Variants in ATP6V0E1 observed in about 807,000 individuals in gnomAD.
ATP6V0E1 encodes the protein V-type proton ATPase subunit e 1.
In ATP6V0E1, 4 loss-of-function variants were observed where a neutral mutation model predicts 11.6. That is an observed-to-expected ratio of 0.35 (90% CI 0.17 to 0.79). The LOEUF (loss-of-function observed/expected upper bound fraction) is 0.79, where lower values mean the gene tolerates loss of function less well. ATP6V0E1 is among the 30% of genes least tolerant of loss of function. The pLI is 0.54. For missense variants in ATP6V0E1, 105 were observed against 100.0 expected (o/e 1.05, Z -0.21); for synonymous variants, 36 against 34.8 (o/e 1.04, Z -0.13).
chr5:172,999,943 A>G (rs553860924), intron 2 of ATP6V0E1, among the ~76,000 whole-genome samples: 12 of 152,258 alleles, frequency 7.9e-5, no homozygotes, highest in African/African-American at 2.9e-4. Flanking sequence ...CGGAATTCAA[A>G]CCCCAAATAT....
chr5:173,027,040 G>A lies in ATP6V0E1; in HGVS notation c.*36+6673G>A, dbSNP rs183646618. ...AAAAATACAAAAAAATTAGCTGGGCGTGGTGGCAGACGCCTGTAGTCCCAG... is the reference window on the plus strand; with the variant it reads ...AAAAATACAAAAAAATTAGCTGGGCATGGTGGCAGACGCCTGTAGTCCCAG... On this transcript the variant is annotated intron_variant, in intron 3 of 3. Coordinates refer to ENST00000519374, the MANE Select transcript of ATP6V0E1 (RefSeq NM_003945.4). Among the ~76,000 whole-genome samples the A allele has an allele frequency of 5.8e-3, 878 of 150,958 alleles. 12 individuals carry two copies. The highest frequency in any genetic ancestry group is 0.02 in the African/African-American group (809 of 41,118).
At chr5:173,033,694 A>G (rs1466789241) in intron 3 of ATP6V0E1, among the ~76,000 whole-genome samples, 2 of 152,016 alleles carry the variant, frequency 1.3e-5, no homozygotes, top group Non-Finnish European at 2.9e-5. Flanking sequence ...AAATATAAAA[A>G]TTAGCCGAAT....
At chr5:172,999,398 A>G (rs1374612577) in intron 2 of ATP6V0E1, among the ~76,000 whole-genome samples, 1 of 151,094 alleles carries the variant, frequency 6.6e-6, no homozygotes, top group African/African-American at 2.4e-5. Context: ...ACCATAGTTC[A>G]CTGCAGCCTC....
At chr5:173,009,489 T>G (rs1251179634) in intron 2 of ATP6V0E1, among the ~76,000 whole-genome samples, 1 of 131,056 alleles carries the variant, frequency 7.6e-6, no homozygotes, top group Non-Finnish European at 1.6e-5. Flanking sequence ...TGAGACAGAG[T>G]CTCGTTCTAT....
At chr5:172,985,833 G>C (rs1304735922) in intron 1 of ATP6V0E1, among the ~76,000 whole-genome samples, 2 of 152,210 alleles carry the variant, frequency 1.3e-5, no homozygotes, top group Non-Finnish European at 2.9e-5. Context: ...AAAGGACTAT[G>C]TTTGAGAAAT....
intron 2 of ATP6V0E1, among the ~76,000 whole-genome samples, chr5:173,019,559 A>G (rs903680126): frequency 6.6e-6 from 1 of 152,154 alleles, no homozygotes; most frequent in African/African-American, 2.4e-5. Context: ...ATCTCAAAAA[A>G]AAAAAAACCC....
intron 1 of ATP6V0E1, among the ~76,000 whole-genome samples, chr5:172,991,147 CAT>C (rs529102155): frequency 2.0e-4 from 31 of 152,184 alleles, no homozygotes; most frequent in Non-Finnish European, 2.6e-4. Flanking sequence ...CAATTTCAAA[CAT>C]GTAGAAAAGT....
At chr5:173,017,840 CAAAAA>C (rs538210275) in intron 2 of ATP6V0E1, among the ~76,000 whole-genome samples, 1 of 66,570 alleles carries the variant, frequency 1.5e-5, no homozygotes, top group South Asian at 4.7e-4. Flanking sequence ...GACTCCTTCT[CAAAAA>C]AAAAAAAAAA....
chr5:172,991,102 C>T (rs778412806), intron 1 of ATP6V0E1, among the ~76,000 whole-genome samples: 45 of 152,092 alleles, frequency 3.0e-4, no homozygotes, highest in Non-Finnish European at 5.1e-4. Context: ...TATAGGCATG[C>T]TACTGCATCC....
intron 1 of ATP6V0E1, among the ~76,000 whole-genome samples, chr5:172,992,408 G>A (rs1338407056): frequency 6.6e-6 from 1 of 152,090 alleles, no homozygotes; most frequent in African/African-American, 2.4e-5. Context: ...CCTTTCAGAG[G>A]CCACATGGTA....
At chr5:173,013,340 C>T (rs992486392) in intron 2 of ATP6V0E1, among the ~76,000 whole-genome samples, 2 of 152,170 alleles carry the variant, frequency 1.3e-5, no homozygotes, top group Non-Finnish European at 2.9e-5. Context: ...CTTTGGGAGG[C>T]CGAGGCGGGT....
chr5:173,034,485 CCT>C lies in ATP6V0E1; in HGVS notation c.*124_*125del, dbSNP rs1464417161. The C allele has an allele frequency of 2.6e-5, 18 of 701,862 alleles. No homozygotes were observed. Among genetic ancestry groups the C allele is most frequent in the Non-Finnish European group, 3.9e-5 (15 of 384,176 alleles). The allele number at this position is 701,862 out of a possible 1,614,324, so 43.5% of individuals were successfully genotyped here. On this transcript the variant is annotated 3_prime_UTR_variant, in exon 4 of 4. Transcript: ENST00000519374. ...ACTTGCCTGTTTTGGCCATTAGCTG[CCT>C]TAAACGTTAACAGCACATTTGAATG...
chr5:173,027,253 C>T (rs1170048345), intron 3 of ATP6V0E1, among the ~76,000 whole-genome samples: 4 of 133,614 alleles, frequency 3.0e-5, no homozygotes, highest in African/African-American at 8.5e-5. Flanking sequence ...TTTGGGAGGC[C>T]GAGGCGGGTG....
intron 3 of ATP6V0E1, among the ~76,000 whole-genome samples, chr5:173,025,974 A>G (rs79436262): frequency 0.014 from 2,069 of 152,106 alleles, 48 homozygotes; most frequent in African/African-American, 0.047. Context: ...CCTCGGCAAT[A>G]TATCAAGACC....
intron 2 of ATP6V0E1, among the ~76,000 whole-genome samples, chr5:173,005,315 T>C (rs1756213460): frequency 6.6e-6 from 1 of 152,202 alleles, no homozygotes; most frequent in Non-Finnish European, 1.5e-5. Flanking sequence ...GGTTTTCTTT[T>C]GTTTCTTTCA....
At chr5:172,987,526 C>T (rs552279581) in intron 1 of ATP6V0E1, among the ~76,000 whole-genome samples, 137 of 152,128 alleles carry the variant, frequency 9.0e-4, no homozygotes, top group Non-Finnish European at 1.6e-3. Context: ...TCAGGTGATC[C>T]GTCCGCCTCG....
intron 2 of ATP6V0E1, among the ~76,000 whole-genome samples, chr5:173,017,505 G>A (rs1756419041): frequency 6.8e-6 from 1 of 147,420 alleles, no homozygotes; most frequent in Non-Finnish European, 1.5e-5. Context: ...TCGCACTCCA[G>A]CCTGGGTGAC....
At chr5:173,027,763 AT>A (rs940040475) in intron 3 of ATP6V0E1, among the ~76,000 whole-genome samples, 7 of 151,758 alleles carry the variant, frequency 4.6e-5, no homozygotes, top group East Asian at 1.9e-4. Flanking sequence ...AATAATACCA[AT>A]TTTTTTTAAC....
chr5:173,020,444 G>T, intron 3 of ATP6V0E1, 77 bp downstream of exon 3: 1 of 874,090 alleles, frequency 1.1e-6, no homozygotes, highest in Non-Finnish European at 1.8e-6. Context: ...CACATTTTAT[G>T]GCCATTTTAA....
Sources: gnomAD v4.1 joint callset for allele counts (sites outside exome capture counted in the v4.1 genomes callset) on GRCh38, gnomAD v4.1.1 for gene constraint, MANE v1.5 for transcripts, NCBI Gene and HGNC (gene_info 2026-07-23, HGNC 2026-07-21) for gene names.